The following FMNL1 variants were observed in gnomAD, a reference collection of about 807,000 sequenced individuals.
FMNL1 encodes formin like 1.
FMNL1 carries 43 observed loss-of-function variants against 121.3 expected under a neutral mutation model. The ratio of observed to expected loss-of-function variants is 0.35; its 90% CI spans 0.28 to 0.46. The LOEUF (loss-of-function observed/expected upper bound fraction) is 0.46, where lower values mean the gene tolerates loss of function less well. FMNL1 is among the 20% of genes least tolerant of loss of function. The probability of loss-of-function intolerance (pLI) is 1.00; values close to 1 mark genes in which losing one functional copy is unlikely to be tolerated. For synonymous variants in FMNL1, 613 were observed against 613.5 expected (o/e 1.00, Z 0.01); for missense variants, 1,191 against 1,482.4 (o/e 0.80, Z 3.23).
intron 24 of FMNL1, 80 bp downstream of exon 24, chr17:45,246,053 CCTCA>C: frequency 6.6e-7 from 1 of 1,517,084 alleles, no homozygotes; most frequent in Non-Finnish European, 8.8e-7. Flanking sequence ...ACCCCCACAC[CCTCA>C]CTGTTACAGA....
At chr17:45,238,352 G>A in intron 9 of FMNL1, 2 of 541,770 alleles carry the variant, frequency 3.7e-6, no homozygotes, top group Non-Finnish European at 6.7e-6. Flanking sequence ...AGGCCCTGGG[G>A]TGGGAATGTG....
chr17:45,236,457 C>T (rs914319970), intron 7 of FMNL1: 44 of 479,750 alleles, frequency 9.2e-5, no homozygotes, highest in Non-Finnish European at 2.6e-5. Flanking sequence ...TCTCTGAGTA[C>T]CCCTGCCCAT....
chr17:45,242,371 A>G lies in FMNL1; in HGVS notation c.1916A>G (p.Lys639Arg). The G allele has an allele frequency of 6.2e-7, 1 of 1,614,090 alleles. No individual in the cohort carries two copies. Among genetic ancestry groups the G allele is most frequent in the South Asian group, 1.1e-5 (1 of 91,084 alleles). ...AAGGCCAAGAAGCCCATCCAGACTA[A>G]GTTCCGAATGCCACTCTTGAACTGG... ...GVKAKKPIQT[K>R]FRMPLLNWVA... The change falls in exon 16 of 27, where the codon AAG becomes AGG. Residue 639 changes from lysine (K) to arginine (R), a missense_variant. Coordinates refer to ENST00000331495, the MANE Select transcript of FMNL1 (RefSeq NM_005892.4).
rs1258625885 is a variant in FMNL1, at chr17:45,241,298, T to C, written c.1332+68T>C. The C allele has an allele frequency of 6.2e-7, 1 of 1,608,326 alleles. No homozygotes were observed. The highest frequency in any genetic ancestry group is 2.2e-5 in the East Asian group (1 of 44,574). On this transcript the variant is annotated intron_variant, in intron 13 of 26. Transcript: ENST00000331495. The surrounding 1 kb of genome is among the most constrained non-coding windows in gnomAD (Gnocchi z 7.0). The stretch of plus-strand genomic sequence containing the variant: ...CCAGCTGAGGCTTCTAGGCTTGACA[T>C]CTCCCTCCACCCCGGGAAGAAGATG...
Position 45,237,277 on chromosome 17 carries a change from C to T in FMNL1, c.724-4C>T, listed in dbSNP as rs2043571788. 6.2e-7 allele frequency: 1 copy of T among 1,614,202 alleles called. No individual in the cohort carries two copies. The highest frequency in any genetic ancestry group is 8.5e-7 in the Non-Finnish European group (1 of 1,180,026). The stretch of plus-strand genomic sequence containing the variant: ...GGAGACACTGACCTCTCCTCTCTCC[C>T]CAGTCTGGCTTCAGCCTTGTCATGA... On this transcript the variant is annotated splice_polypyrimidine_tract_variant and splice_region_variant and intron_variant, in intron 7 of 26. Coordinates refer to ENST00000331495, the MANE Select transcript of FMNL1 (RefSeq NM_005892.4). This position sits in a 1 kb window ranked among gnomAD's most constrained non-coding sequence, Gnocchi z 4.4.
At chr17:45,245,161 G>A in intron 21 of FMNL1, 53 bp downstream of exon 21, 3 of 1,610,320 alleles carry the variant, frequency 1.9e-6, no homozygotes, top group Non-Finnish European at 2.5e-6. Flanking sequence ...GCTGGGGTAG[G>A]TTGGGAGAAA....
rs2043481702 is a variant in FMNL1 at position 45,233,393 on chromosome 17, C to A, written c.401+96C>A. 2 of 1,324,282 alleles carry A rather than the reference C, an allele frequency of 1.5e-6. No individual in the cohort carries two copies. The highest frequency in any genetic ancestry group is 2.2e-5 in the Admixed American group (1 of 44,698). The allele number at this position is 1,324,282 out of a possible 1,614,324, so 82.0% of individuals were successfully genotyped here. ...CCCTTCCTACTCCCCCTGCCCCCTG[C>A]ACAAGGCTGTGCTTGTGGACCACCT... On this transcript the variant is annotated intron_variant, in intron 4 of 26. Coordinates refer to ENST00000331495, the MANE Select transcript of FMNL1 (RefSeq NM_005892.4). The surrounding 1 kb of genome is among the most constrained non-coding windows in gnomAD (Gnocchi z 4.1).
intron 11 of FMNL1, among the ~76,000 whole-genome samples, chr17:45,239,726 A>G (rs555606574): frequency 5.3e-5 from 8 of 152,288 alleles, no homozygotes. Flanking sequence ...GTATTGACAC[A>G]TGGTACAACA....
Position 45,241,001 on chromosome 17 carries a change from G to T in FMNL1, c.1231-128G>T. The T allele has an allele frequency of 1.7e-6, 2 of 1,192,972 alleles. No homozygotes were observed. Among genetic ancestry groups the T allele is most frequent in the Non-Finnish European group, 2.4e-6 (2 of 833,128 alleles). The allele number at this position is 1,192,972 out of a possible 1,614,324, so 73.9% of individuals were successfully genotyped here. On this transcript the variant is annotated intron_variant, in intron 12 of 26. Transcript: ENST00000331495. The surrounding 1 kb of genome is among the most constrained non-coding windows in gnomAD (Gnocchi z 7.0). ...CGAGTGCCAGGCTCGGCCCACCCTTGGCACCTGGGCTGAGCGGATCTGGGA... is the reference window on the plus strand; with the variant it reads ...CGAGTGCCAGGCTCGGCCCACCCTTTGCACCTGGGCTGAGCGGATCTGGGA...
At position 45,237,500 on chromosome 17, in the gene FMNL1, G is replaced by T; in HGVS notation, c.801-46G>T. 6.2e-7 allele frequency: 1 copy of T among 1,612,174 alleles called. No individual in the cohort carries two copies. On this transcript the variant is annotated intron_variant, in intron 8 of 26. Transcript: ENST00000331495. The surrounding 1 kb of genome is among the most constrained non-coding windows in gnomAD (Gnocchi z 4.4). Reference sequence around the variant, plus strand: ...CCAGGCCTGTGCCCACCCTTGCCGCGGGTCCTGCCTGTTCTCAAGGGACAA... The same window carrying T: ...CCAGGCCTGTGCCCACCCTTGCCGCTGGTCCTGCCTGTTCTCAAGGGACAA...
intron 23 of FMNL1, 51 bp from the exon 24 acceptor site, chr17:45,245,827 G>T (rs1392874058): frequency 1.9e-6 from 3 of 1,601,674 alleles, no homozygotes; most frequent in Non-Finnish European, 8.5e-7. Context: ...TTTAGGGGGT[G>T]GGTAGGGCAG....
At chr17:45,245,800 G>T in intron 23 of FMNL1, 67 bp downstream of exon 23, 1 of 1,608,228 alleles carries the variant, frequency 6.2e-7, no homozygotes, top group Non-Finnish European at 8.5e-7. Flanking sequence ...GGCAGCGGAG[G>T]GGTGGGGCTG....
chr17:45,236,616 C>G (rs1410247979), intron 7 of FMNL1: 1 of 170,534 alleles, frequency 5.9e-6, no homozygotes, highest in East Asian at 1.6e-4. Flanking sequence ...CGCCTTTAAG[C>G]CAGCTTCACG....
chr17:45,230,642 G>A lies in FMNL1; in HGVS notation c.168G>A (p.Leu56=), dbSNP rs1408432030. ...TGCCCCCAGACAAGGTCCAGCTGCT[G>A]AGCCAGTATGACAACGAGAAGAAGT... ...MNLPPDKVQL[L]SQYDNEKKWE... Residue 56 remains leucine (L), a synonymous_variant, in exon 2 of 27, where the codon CTG becomes CTA. Transcript: ENST00000331495. 1 of 1,613,898 alleles carries A rather than the reference G, an allele frequency of 6.2e-7. No individual in the cohort carries two copies. Among genetic ancestry groups the A allele is most frequent in the Admixed American group, 1.7e-5 (1 of 60,000 alleles).
In FMNL1 at chr17:45,231,259, A is replaced by G. The variant is rs1368159740; in HGVS notation, c.213+572A>G. Among the ~76,000 whole-genome samples the G allele has an allele frequency of 6.9e-6, 1 of 145,592 alleles. No individual in the cohort carries two copies. The highest frequency in any genetic ancestry group is 1.5e-5 in the Non-Finnish European group (1 of 66,090). On this transcript the variant is annotated intron_variant, in intron 2 of 26. Transcript: ENST00000331495. This position sits in a 1 kb window ranked among gnomAD's most constrained non-coding sequence, Gnocchi z 4.7. ...AAGGGCTGCGGTCGGCCATGGGCCG[A>G]CCCTCTCCCAGCGCTGGGCTGGGTG...
rs1036385091 is a variant in FMNL1 at position 45,233,383 on chromosome 17, C to T, written c.401+86C>T. ...CTGGAGCTTCCCCTTCCTACTCCCCCTGCCCCCTGCACAAGGCTGTGCTTG... is the reference window on the plus strand; with the variant it reads ...CTGGAGCTTCCCCTTCCTACTCCCCTTGCCCCCTGCACAAGGCTGTGCTTG... On this transcript the variant is annotated intron_variant, in intron 4 of 26. Transcript: ENST00000331495. The surrounding 1 kb of genome is among the most constrained non-coding windows in gnomAD (Gnocchi z 4.1). 3.6e-5 allele frequency: 49 copies of T among 1,377,920 alleles called. 1 individual carries two copies. The highest frequency in any genetic ancestry group is 4.8e-5 in the Non-Finnish European group (48 of 1,006,442). The allele number at this position is 1,377,920 out of a possible 1,614,324, so 85.4% of individuals were successfully genotyped here.
rs777005917 is a variant in FMNL1 at position 45,246,533 on chromosome 17, CACCGG to C, written c.3241_3245del (p.Thr1081GlnfsTer9). 1.9e-6 allele frequency: 3 copies of C among 1,614,066 alleles called. No homozygotes were observed. The South Asian group carries it at 3.3e-5, about 18-fold the overall frequency. ...TCAAGACGGTGCCCTTCACGGCCCG[CACCGG>C]CAAGCGGACATCCCGGCTCCTCTGT... On this transcript the variant is annotated frameshift_variant, in exon 26 of 27. Transcript: ENST00000331495. LOFTEE classifies it high-confidence loss of function.
intron 16 of FMNL1, among the ~76,000 whole-genome samples, chr17:45,242,837 TG>T (rs2043738850): frequency 6.6e-6 from 1 of 152,260 alleles, no homozygotes; most frequent in Non-Finnish European, 1.5e-5. Flanking sequence ...TTCCTCTGCC[TG>T]GAATGTCTTT....
intron 2 of FMNL1, 149 bp from the exon 3 acceptor site, chr17:45,232,218 T>A (rs1003413590): frequency 2.4e-5 from 16 of 675,354 alleles, no homozygotes; most frequent in Non-Finnish European, 2.3e-5. Flanking sequence ...GTGGACTGTT[T>A]GGGTTTATAC....
Sources: gnomAD v4.1 joint callset for allele counts (sites outside exome capture counted in the v4.1 genomes callset) on GRCh38, gnomAD v4.1.1 for gene constraint, Gnocchi (gnomAD v3.1) non-coding constraint, MANE v1.5 for transcripts, NCBI Gene and HGNC (gene_info 2026-07-23, HGNC 2026-07-21) for gene names.